Variants in ARHGAP10 observed in about 807,000 individuals in gnomAD.
The protein encoded by ARHGAP10 is rho GTPase-activating protein 10.
Under a neutral mutation model 108.6 loss-of-function variants are expected in ARHGAP10, and 87 were observed. The ratio of observed to expected loss-of-function variants is 0.80; its 90% CI spans 0.67 to 0.96. The LOEUF is 0.96. Among genes scored for constraint, ARHGAP10 ranks in the 40% least tolerant of loss-of-function variants. The pLI is 0.00. For synonymous variants in ARHGAP10, 347 were observed against 341.1 expected (o/e 1.02, Z -0.19); for missense variants, 939 against 954.5 (o/e 0.98, Z 0.21).
intron 20 of ARHGAP10, among the ~76,000 whole-genome samples, chr4:148,047,355 C>T (rs550196133): frequency 6.6e-6 from 1 of 152,232 alleles, no homozygotes; most frequent in Admixed American, 6.5e-5. Flanking sequence ...AGATGTTTCC[C>T]CACTAGTTAT....
intron 21 of ARHGAP10, among the ~76,000 whole-genome samples, chr4:148,063,841 G>A (rs997803282): frequency 2.6e-5 from 4 of 152,198 alleles, no homozygotes; most frequent in Non-Finnish European, 5.9e-5. Flanking sequence ...TTCCATGAAC[G>A]GACACAGAGG....
intron 13 of ARHGAP10, among the ~76,000 whole-genome samples, chr4:147,936,625 G>A (rs7670524): frequency 0.015 from 2,292 of 152,174 alleles, 56 homozygotes; most frequent in African/African-American, 0.052. Flanking sequence ...CACCGCGCCC[G>A]GCCCTTTTCC....
intron 1 of ARHGAP10, among the ~76,000 whole-genome samples, chr4:147,798,724 ACTCTCTCTCTCTCT>A (rs1178256407): frequency 1.5e-3 from 125 of 85,958 alleles, no homozygotes; most frequent in African/African-American, 4.0e-3. Flanking sequence ...AGTTTGAGAC[ACTCTCTCTCTCTCT>A]CTCTCTCTCT....
intron 15 of ARHGAP10, among the ~76,000 whole-genome samples, chr4:147,949,576 T>C (rs1057157365): frequency 6.8e-5 from 9 of 132,704 alleles, no homozygotes; most frequent in Non-Finnish European, 1.4e-4. Context: ...CAAATAATTA[T>C]TTGATTCAAA....
intron 18 of ARHGAP10, among the ~76,000 whole-genome samples, chr4:147,973,851 A>G (rs745614987): frequency 6.6e-6 from 1 of 152,140 alleles, no homozygotes; most frequent in Non-Finnish European, 1.5e-5. Context: ...CATCCATGCC[A>G]TTGTAAATGA....
intron 18 of ARHGAP10, among the ~76,000 whole-genome samples, chr4:147,988,296 GC>G: frequency 6.6e-6 from 1 of 152,176 alleles, no homozygotes; most frequent in African/African-American, 2.4e-5. Flanking sequence ...AGTTTTCTCA[GC>G]CCACAGTTTA....
intron 1 of ARHGAP10, among the ~76,000 whole-genome samples, chr4:147,807,774 G>T (rs755888089): frequency 3.3e-5 from 5 of 152,140 alleles, no homozygotes; most frequent in Non-Finnish European, 7.4e-5. Flanking sequence ...GAAAAAAGTT[G>T]AACAAATAGA....
chr4:148,033,002 G>GAA (rs1368799500), intron 19 of ARHGAP10, among the ~76,000 whole-genome samples: 1 of 151,940 alleles, frequency 6.6e-6, no homozygotes, highest in Non-Finnish European at 1.5e-5. Context: ...ACACACCCAG[G>GAA]AACAATACTT....
At chr4:147,924,664 A>G (rs1737386390) in intron 13 of ARHGAP10, among the ~76,000 whole-genome samples, 1 of 152,190 alleles carries the variant, frequency 6.6e-6, no homozygotes, top group African/African-American at 2.4e-5. Context: ...ATTTTATGGT[A>G]CACTGTTAGC....
chr4:147,742,013 C>G lies in ARHGAP10; in HGVS notation c.154+9558C>G, dbSNP rs554492625. Among the ~76,000 whole-genome samples the G allele has an allele frequency of 7.2e-5, 11 of 152,120 alleles. No individual in the cohort carries two copies. The East Asian group carries it at 2.1e-3, about 29-fold the overall frequency. On this transcript the variant is annotated intron_variant, in intron 1 of 22. Transcript: ENST00000336498. The stretch of plus-strand genomic sequence containing the variant: ...ATTTCAACGGTGAGTGTGATTTCTC[C>G]TGACTTGTTGACTTGTTTACCCACA...
chr4:147,971,628 G>C (rs1739410198), intron 18 of ARHGAP10, among the ~76,000 whole-genome samples: 1 of 152,194 alleles, frequency 6.6e-6, no homozygotes, highest in Non-Finnish European at 1.5e-5. Context: ...AACACAGAGA[G>C]GAGGTACGTG....
At chr4:147,765,364 T>C (rs1414133003) in intron 1 of ARHGAP10, among the ~76,000 whole-genome samples, 3 of 150,434 alleles carry the variant, frequency 2.0e-5, no homozygotes, top group African/African-American at 7.4e-5. Flanking sequence ...GTGTGTGTAT[T>C]TCAATGTGCC....
intron 18 of ARHGAP10, among the ~76,000 whole-genome samples, chr4:147,993,395 T>C (rs1740354203): frequency 6.6e-6 from 1 of 152,258 alleles, no homozygotes; most frequent in South Asian, 2.1e-4. Flanking sequence ...TTTCCTTACA[T>C]TTATGTCTGA....
At chr4:147,906,803 T>G in intron 11 of ARHGAP10, 84 bp downstream of exon 11, 5 of 1,526,128 alleles carry the variant, frequency 3.3e-6, no homozygotes, top group South Asian at 1.1e-5. Flanking sequence ...TGTGTAGTAT[T>G]TGAGAAAAGT....
At chr4:147,797,605 G>T (rs1165606367) in intron 1 of ARHGAP10, among the ~76,000 whole-genome samples, 2 of 152,028 alleles carry the variant, frequency 1.3e-5, no homozygotes, top group Non-Finnish European at 2.9e-5. Context: ...TAGAGACGGG[G>T]TTTCACCATG....
intron 11 of ARHGAP10, 38 bp downstream of exon 11, chr4:147,906,757 T>G (rs377129201): frequency 1.2e-6 from 2 of 1,606,260 alleles, no homozygotes; most frequent in African/African-American, 2.7e-5. Context: ...TTTCAAAGCC[T>G]TTAGAGTTGA....
At chr4:147,733,577 C>A (rs1254759219) in intron 1 of ARHGAP10, among the ~76,000 whole-genome samples, 5 of 152,180 alleles carry the variant, frequency 3.3e-5, no homozygotes, top group Non-Finnish European at 7.3e-5. Context: ...TTTGTAGATA[C>A]CACCTCTGGG....
intron 18 of ARHGAP10, among the ~76,000 whole-genome samples, chr4:147,998,161 G>A (rs546032996): frequency 2.8e-4 from 43 of 152,224 alleles, no homozygotes; most frequent in South Asian, 1.0e-3. Flanking sequence ...AAAAAGTAGC[G>A]TTTATGAATC....
chr4:147,847,100 C>G (rs1158751409), intron 3 of ARHGAP10, 51 bp from the exon 4 acceptor site: 1 of 1,493,852 alleles, frequency 6.7e-7, no homozygotes, highest in South Asian at 1.2e-5. Context: ...TAATTTTTTC[C>G]TTTTTGGAAA....
Sources: gnomAD v4.1 joint callset for allele counts (sites outside exome capture counted in the v4.1 genomes callset) on GRCh38, gnomAD v4.1.1 for gene constraint, MANE v1.5 for transcripts, NCBI Gene and HGNC (gene_info 2026-07-23, HGNC 2026-07-21) for gene names.